Variants in RAI2 observed in about 807,000 individuals in gnomAD.
RAI2 encodes retinoic acid-induced protein 2.
A neutral mutation model predicts 15.3 loss-of-function variants in RAI2; 5 were observed. The ratio of observed to expected loss-of-function variants is 0.33; its 90% CI spans 0.17 to 0.69. The LOEUF is 0.69. Ranked by LOEUF, RAI2 falls within the 30% of genes least tolerant of loss-of-function variation. The probability of loss-of-function intolerance (pLI) is 0.69; values close to 1 mark genes in which losing one functional copy is unlikely to be tolerated. For synonymous variants in RAI2, 191 were observed against 184.0 expected (o/e 1.04, Z -0.31); for missense variants, 424 against 424.7 (o/e 1.00, Z 0.01).
chrX:17,844,556 G>A (rs1237943201), intron 1 of RAI2, among the ~76,000 whole-genome samples: 5 of 112,670 alleles, frequency 4.4e-5, no homozygotes, highest in Non-Finnish European at 7.5e-5. Context: ...AACCCAGCTT[G>A]GAAACTTCCT....
intron 1 of RAI2, among the ~76,000 whole-genome samples, chrX:17,820,747 C>T (rs1372021318): frequency 1.8e-5 from 2 of 111,719 alleles, no homozygotes; most frequent in Non-Finnish European, 3.8e-5. Context: ...ATGACACCTA[C>T]TACTGGCAAA....
intron 1 of RAI2, among the ~76,000 whole-genome samples, chrX:17,816,069 C>T (rs939705925): frequency 1.0e-4 from 11 of 107,457 alleles, no homozygotes; most frequent in African/African-American, 3.8e-4. Flanking sequence ...TCTCTCTTCC[C>T]CCCACCCCCA....
At chrX:17,819,256 T>G (rs2067139359) in intron 1 of RAI2, among the ~76,000 whole-genome samples, 1 of 112,450 alleles carries the variant, frequency 8.9e-6, no homozygotes, top group Non-Finnish European at 1.9e-5. Flanking sequence ...ACTGACATGC[T>G]GGAAAATTCT....
intron 1 of RAI2, among the ~76,000 whole-genome samples, chrX:17,856,704 T>C (rs1408597363): frequency 8.9e-6 from 1 of 112,619 alleles, no homozygotes; most frequent in Non-Finnish European, 1.9e-5. Flanking sequence ...CTGGCTAAGC[T>C]GCCTCCATCT....
chrX:17,812,995 C>T (rs2067066149), intron 1 of RAI2, among the ~76,000 whole-genome samples: 1 of 111,344 alleles, frequency 9.0e-6, no homozygotes, highest in South Asian at 3.8e-4. Flanking sequence ...TGCAGGACAG[C>T]AGGGTGGAGG....
intron 1 of RAI2, among the ~76,000 whole-genome samples, chrX:17,820,102 T>C (rs1268565340): frequency 9.0e-6 from 1 of 111,679 alleles, no homozygotes; most frequent in African/African-American, 3.3e-5. Flanking sequence ...GTGAAGACTG[T>C]TGGTTAGCTG....
chrX:17,802,941 T>C (rs1422834077), intron 1 of RAI2, among the ~76,000 whole-genome samples: 1 of 111,629 alleles, frequency 9.0e-6, no homozygotes, highest in Non-Finnish European at 1.9e-5. Context: ...GCAGATGCGA[T>C]AGGGCTCTCC....
chrX:17,833,627 G>A (rs1247024733), intron 1 of RAI2, among the ~76,000 whole-genome samples: 2 of 111,939 alleles, frequency 1.8e-5, no homozygotes, highest in African/African-American at 6.5e-5. Flanking sequence ...AATAATGATT[G>A]GGAAGTGAAT....
rs768693585 is a variant in RAI2, at chrX:17,801,005, T to C, written c.1006A>G (p.Ile336Val). The change falls in exon 2 of 2, where the codon ATC (isoleucine) becomes GTC (valine). Residue 336 changes from isoleucine to valine, a missense_variant. Coordinates refer to ENST00000451717, the MANE Select transcript of RAI2 (RefSeq NM_021785.6). ...WLKAGEVSPP[I>V]FQEDAALDLS... is the part of the protein sequence containing the mutation. ...TCTAGGGCTGCATCTTCCTGGAAGA[T>C]TGGGGGACTGACTTCACCAGCCTTG... 2.9e-5 allele frequency: 35 copies of C among 1,208,913 alleles called. No individual in the cohort carries two copies. Among genetic ancestry groups the C allele is most frequent in the Admixed American group, 4.4e-5 (2 of 45,692 alleles).
intron 1 of RAI2, among the ~76,000 whole-genome samples, chrX:17,837,015 G>A (rs907953393): frequency 8.9e-6 from 1 of 112,022 alleles, no homozygotes; most frequent in African/African-American, 3.2e-5. Flanking sequence ...AGAAAACAGC[G>A]GCATCTGTCT....
At chrX:17,827,451 C>T (rs776117342) in intron 1 of RAI2, among the ~76,000 whole-genome samples, 15 of 112,447 alleles carry the variant, frequency 1.3e-4, no homozygotes, top group Non-Finnish European at 2.4e-4. Flanking sequence ...ACAGTGCTTA[C>T]TGTGTATACA....
chrX:17,821,406 C>T (rs776313539), intron 1 of RAI2, among the ~76,000 whole-genome samples: 102 of 110,699 alleles, frequency 9.2e-4, no homozygotes, highest in African/African-American at 3.3e-3. Context: ...CTGAGAGTGA[C>T]AGGGAGCAGG....
chrX:17,822,347 C>G (rs890491921), intron 1 of RAI2, among the ~76,000 whole-genome samples: 1 of 111,777 alleles, frequency 8.9e-6, no homozygotes, highest in Non-Finnish European at 1.9e-5. Flanking sequence ...GGAGAGAGAC[C>G]CGTGACTAAA....
At chrX:17,856,605 C>T (rs749178177) in intron 1 of RAI2, among the ~76,000 whole-genome samples, 2 of 112,578 alleles carry the variant, frequency 1.8e-5, no homozygotes, top group African/African-American at 3.2e-5. Context: ...GCAGCCCAGA[C>T]GGATGAAGGC....
At chrX:17,829,136 A>G (rs1361508719) in intron 1 of RAI2, among the ~76,000 whole-genome samples, 1 of 110,526 alleles carries the variant, frequency 9.0e-6, no homozygotes, top group Non-Finnish European at 1.9e-5. Flanking sequence ...CCTGAGGAGC[A>G]CTGGATGTGA....
At chrX:17,819,199 C>T (rs2067138727) in intron 1 of RAI2, among the ~76,000 whole-genome samples, 1 of 112,412 alleles carries the variant, frequency 8.9e-6, no homozygotes, top group African/African-American at 3.2e-5. Context: ...ACATTTAACA[C>T]CTGGTTTCCC....
intron 1 of RAI2, among the ~76,000 whole-genome samples, chrX:17,803,747 A>G (rs1460314817): frequency 9.0e-6 from 1 of 110,541 alleles, no homozygotes; most frequent in African/African-American, 3.3e-5. Context: ...CACCTTTGGC[A>G]GGATCCAGAG....
At chrX:17,819,288 A>G (rs1442599003) in intron 1 of RAI2, among the ~76,000 whole-genome samples, 1 of 112,604 alleles carries the variant, frequency 8.9e-6, no homozygotes, top group Non-Finnish European at 1.9e-5. Flanking sequence ...TTAAAAAACA[A>G]CTAAGCAACC....
intron 1 of RAI2, among the ~76,000 whole-genome samples, chrX:17,843,574 C>T (rs2067424118): frequency 9.0e-6 from 1 of 111,635 alleles, no homozygotes; most frequent in African/African-American, 3.3e-5. Context: ...AGATTCTGAC[C>T]CTACTCCCTC....
Sources: allele counts gnomAD v4.1 joint callset (sites outside exome capture counted in the v4.1 genomes callset), GRCh38; gene constraint gnomAD v4.1.1; transcripts MANE v1.5; gene names NCBI Gene and HGNC (gene_info 2026-07-23, HGNC 2026-07-21).